KCNH8: variants seen among roughly 807,000 people sequenced by gnomAD.
KCNH8 encodes the protein potassium voltage-gated channel subfamily H member 8, also known as voltage-gated delayed rectifier potassium channel KCNH8.
A neutral mutation model predicts 103.6 loss-of-function variants in KCNH8; 70 were observed. The ratio of observed to expected loss-of-function variants is 0.68; its 90% CI spans 0.56 to 0.82. The LOEUF (loss-of-function observed/expected upper bound fraction) is 0.82, where lower values mean the gene tolerates loss of function less well. KCNH8 is among the 40% of genes least tolerant of loss of function. The pLI, the probability that KCNH8 is intolerant of heterozygous loss-of-function variation, is 0.00. For synonymous variants in KCNH8, 498 were observed against 489.4 expected, an observed-to-expected ratio of 1.02 and a Z score of -0.23; for missense variants, 1,217 against 1,329.9, an observed-to-expected ratio of 0.92 and a Z score of 1.32.
At chr3:19,515,478 TTGTAA>T in intron 14 of KCNH8, 50 bp downstream of exon 14, 1 of 934,352 alleles carries the variant, frequency 1.1e-6, no homozygotes, top group Non-Finnish European at 1.5e-6. Flanking sequence ...TCTTATTAAC[TTGTAA>T]TGTTTGTTAT....
chr3:19,363,697 C>T (rs1402558128), intron 5 of KCNH8, among the ~76,000 whole-genome samples: 1 of 152,028 alleles, frequency 6.6e-6, no homozygotes, highest in Non-Finnish European at 1.5e-5. Context: ...CACTAGTAGC[C>T]CCCAAAAAGG....
chr3:19,489,057 C>T (rs1444819622), intron 11 of KCNH8, among the ~76,000 whole-genome samples: 1 of 152,174 alleles, frequency 6.6e-6, no homozygotes, highest in Non-Finnish European at 1.5e-5. Context: ...AGTAATATTG[C>T]TGTTCTCTCA....
At chr3:19,303,985 G>T (rs1023099280) in intron 3 of KCNH8, among the ~76,000 whole-genome samples, 1 of 152,128 alleles carries the variant, frequency 6.6e-6, no homozygotes, top group Non-Finnish European at 1.5e-5. Context: ...CTATTCTTTT[G>T]TGAAGGTAAA....
rs555204663 is a variant in KCNH8 at position 19,405,384 on chromosome 3, T to C, written c.1177+10073T>C. Among the ~76,000 whole-genome samples the C allele has an allele frequency of 4.9e-4, 74 of 152,002 alleles. 1 individual carries two copies. In the South Asian group the frequency reaches 0.014, roughly 29 times the overall value. ...ATAATATGTATCTAATAATGTTTGATAAGTTTTATATTTTCTGAGTTTTTT... is the reference window on the plus strand; with the variant it reads ...ATAATATGTATCTAATAATGTTTGACAAGTTTTATATTTTCTGAGTTTTTT... On this transcript the variant is annotated intron_variant, in intron 7 of 15. Coordinates refer to ENST00000328405, the MANE Select transcript of KCNH8 (RefSeq NM_144633.3).
Position 19,438,182 on chromosome 3 carries a change from G to A in KCNH8, c.1196G>A (p.Gly399Glu). Residue 399 changes from glycine (G) to glutamate (E), a missense_variant, in exon 8 of 16, where the codon GGA (glycine) becomes GAA (glutamate). Physicochemically the swap from Gly to Glu is moderately conservative, Grantham distance 98. Transcript: ENST00000328405. ...TTTGCAGGTTGGCTTCATGAGTTGG[G>A]AAAGAGACTGGAATCTCCATACTAT... ...KWEVGWLHEL[G>E]KRLESPYYGN... The A allele has an allele frequency of 6.2e-7, 1 of 1,613,984 alleles. No individual in the cohort carries two copies. The highest frequency in any genetic ancestry group is 1.1e-5 in the South Asian group (1 of 91,066).
chr3:19,160,998 T>G (rs533331856), intron 1 of KCNH8, among the ~76,000 whole-genome samples: 8 of 152,178 alleles, frequency 5.3e-5, no homozygotes, highest in African/African-American at 1.9e-4. Context: ...AGTGCTTCCT[T>G]TAAGTAAAAG....
chr3:19,148,568 C>G lies in KCNH8; in HGVS notation c.-152C>G. ...GCTGGAACTCTCTCCCTTTCTCCCT[C>G]CATCCTTCCACTTCCCCTGCTCGGC... On this transcript the variant is annotated 5_prime_UTR_variant, in exon 1 of 16. Transcript: ENST00000328405. 1.4e-6 allele frequency: 1 copy of G among 721,548 alleles called. No individual in the cohort carries two copies. The highest frequency in any genetic ancestry group is 1.6e-5 in the South Asian group (1 of 61,326). 44.7% of individuals were successfully genotyped at this position (721,548 alleles called of 1,614,324 possible).
chr3:19,275,695 C>T (rs2064659881), intron 2 of KCNH8, among the ~76,000 whole-genome samples: 1 of 152,104 alleles, frequency 6.6e-6, no homozygotes, highest in South Asian at 2.1e-4. Flanking sequence ...GACTTATTTG[C>T]CAAGCAGCTT....
intron 5 of KCNH8, among the ~76,000 whole-genome samples, chr3:19,383,137 G>A (rs2066309908): frequency 6.6e-6 from 1 of 152,048 alleles, no homozygotes; most frequent in African/African-American, 2.4e-5. Flanking sequence ...CAGGAGATAA[G>A]GAGCCATAAT....
chr3:19,282,005 C>G (rs2064762976), intron 3 of KCNH8, among the ~76,000 whole-genome samples: 1 of 151,982 alleles, frequency 6.6e-6, no homozygotes, highest in Non-Finnish European at 1.5e-5. Context: ...TGTTTTAAAC[C>G]AAAGTAGGAT....
chr3:19,205,578 C>T (rs992142870), intron 1 of KCNH8, among the ~76,000 whole-genome samples: 2 of 151,944 alleles, frequency 1.3e-5, no homozygotes, highest in African/African-American at 4.8e-5. Flanking sequence ...TTGAAAGCCA[C>T]CCCACTAATT....
In KCNH8 at chr3:19,233,071, C is replaced by T. The variant is rs181500325; in HGVS notation, c.77-20583C>T. ...ATGTCTTGATATTCCTCCCCCCCCC[C>T]ACCCCACTACATAAATTGAGCTGTT... On this transcript the variant is annotated intron_variant, in intron 1 of 15. Coordinates refer to ENST00000328405, the MANE Select transcript of KCNH8 (RefSeq NM_144633.3). Among the ~76,000 whole-genome samples, 5 of 106,628 alleles carry T rather than the reference C, an allele frequency of 4.7e-5. 1 individual carries two copies. The highest frequency in any genetic ancestry group is 3.5e-4 in the Admixed American group (3 of 8,486). The allele number at this position is 106,628 out of a possible 152,430, so 70.0% of individuals were successfully genotyped here.
At chr3:19,406,199 T>G (rs1198181642) in intron 7 of KCNH8, among the ~76,000 whole-genome samples, 1 of 152,124 alleles carries the variant, frequency 6.6e-6, no homozygotes, top group Admixed American at 6.6e-5. Flanking sequence ...GTCTTTATAT[T>G]CTTTCAGGTT....
At chr3:19,380,626 A>G (rs546852339) in intron 5 of KCNH8, among the ~76,000 whole-genome samples, 1 of 152,222 alleles carries the variant, frequency 6.6e-6, no homozygotes, top group South Asian at 2.1e-4. Flanking sequence ...CTACTCAAGT[A>G]ACTCTGGGGG....
At chr3:19,305,200 T>C (rs907536974) in intron 3 of KCNH8, among the ~76,000 whole-genome samples, 1 of 152,090 alleles carries the variant, frequency 6.6e-6, no homozygotes, top group African/African-American at 2.4e-5. Context: ...GAGCAATGTC[T>C]TAAAAATTCT....
intron 1 of KCNH8, among the ~76,000 whole-genome samples, chr3:19,239,666 C>CTATG (rs2064111764): frequency 6.6e-6 from 1 of 151,706 alleles, no homozygotes; most frequent in African/African-American, 2.4e-5. Flanking sequence ...ATCTATCTAT[C>CTATG]TATCTATCTA....
chr3:19,434,110 T>C (rs1296503828), intron 7 of KCNH8, among the ~76,000 whole-genome samples: 1 of 152,202 alleles, frequency 6.6e-6, no homozygotes, highest in African/African-American at 2.4e-5. Context: ...TTTGAACTTT[T>C]GTGTAAATCT....
At chr3:19,200,998 G>A (rs1218985391) in intron 1 of KCNH8, among the ~76,000 whole-genome samples, 1 of 151,772 alleles carries the variant, frequency 6.6e-6, no homozygotes, top group East Asian at 1.9e-4. Flanking sequence ...TTGGGAGGCT[G>A]AGATGGGCAG....
chr3:19,249,062 C>T (rs1208772026), intron 1 of KCNH8, among the ~76,000 whole-genome samples: 2 of 152,242 alleles, frequency 1.3e-5, no homozygotes, highest in South Asian at 4.1e-4. Flanking sequence ...TACCTAGAAA[C>T]AAGCAGAGAA....
Sources: gnomAD v4.1 joint callset for allele counts (sites outside exome capture counted in the v4.1 genomes callset) on GRCh38, gnomAD v4.1.1 for gene constraint, MANE v1.5 for transcripts, NCBI Gene and HGNC (gene_info 2026-07-23, HGNC 2026-07-21) for gene names.